Variants in ZCCHC7 observed in about 807,000 individuals in gnomAD.
ZCCHC7 encodes the protein zinc finger CCHC domain-containing protein 7.
In ZCCHC7, 35 loss-of-function variants were observed where a neutral mutation model predicts 52.0. That is an observed-to-expected ratio of 0.67 (90% CI 0.51 to 0.89). The LOEUF is 0.89. Ranked by LOEUF, ZCCHC7 falls within the 40% of genes least tolerant of loss-of-function variation. ZCCHC7 has a pLI of 0.00. For synonymous variants in ZCCHC7, 217 were observed against 221.5 expected (o/e 0.98, Z 0.18); for missense variants, 574 against 649.1 (o/e 0.88, Z 1.26).
chr9:37,326,614 C>G (rs765209187), intron 5 of ZCCHC7, among the ~76,000 whole-genome samples: 2 of 151,650 alleles, frequency 1.3e-5, no homozygotes, highest in Non-Finnish European at 2.9e-5. Flanking sequence ...ACTTTTTTGT[C>G]TAATCACTTA....
chr9:37,319,168 T>C (rs1263614688), intron 5 of ZCCHC7, among the ~76,000 whole-genome samples: 1 of 32,570 alleles, frequency 3.1e-5, no homozygotes, highest in East Asian at 2.9e-4. Context: ...GCACTTATCA[T>C]CCTTATTTCT....
intron 6 of ZCCHC7, among the ~76,000 whole-genome samples, chr9:37,329,500 T>G (rs1830372313): frequency 6.6e-6 from 1 of 151,852 alleles, no homozygotes; most frequent in Non-Finnish European, 1.5e-5. Context: ...CCTGGTTAAT[T>G]TTTTAAAATA....
intron 7 of ZCCHC7, among the ~76,000 whole-genome samples, 171 bp downstream of exon 7, chr9:37,349,623 G>A (rs916117390): frequency 6.6e-6 from 1 of 152,090 alleles, no homozygotes; most frequent in Non-Finnish European, 1.5e-5. Context: ...AGAGTAACAA[G>A]CTATCAGAGC....
At chr9:37,298,504 C>T (rs1429613134) in intron 2 of ZCCHC7, among the ~76,000 whole-genome samples, 1 of 152,096 alleles carries the variant, frequency 6.6e-6, no homozygotes, top group Non-Finnish European at 1.5e-5. Context: ...TAAAAATATT[C>T]AGGAGGAAAT....
chr9:37,343,667 A>G (rs1018300879), intron 6 of ZCCHC7, among the ~76,000 whole-genome samples: 5 of 152,218 alleles, frequency 3.3e-5, no homozygotes, highest in Non-Finnish European at 7.4e-5. Flanking sequence ...CAGTGTTTGT[A>G]TCTACTTTCA....
intron 2 of ZCCHC7, among the ~76,000 whole-genome samples, chr9:37,132,913 C>T (rs981835636): frequency 5.3e-5 from 8 of 152,052 alleles, no homozygotes; most frequent in African/African-American, 9.7e-5. Flanking sequence ...CCGAGGCGGG[C>T]GGATCACGAG....
chr9:37,139,825 T>G (rs886180182), intron 2 of ZCCHC7, among the ~76,000 whole-genome samples: 5 of 151,980 alleles, frequency 3.3e-5, no homozygotes, highest in Admixed American at 3.3e-4. Context: ...GCAGTTCCCT[T>G]AAGTCATATT....
chr9:37,292,954 T>G (rs1029424402), intron 2 of ZCCHC7, among the ~76,000 whole-genome samples: 7 of 152,120 alleles, frequency 4.6e-5, no homozygotes, highest in Non-Finnish European at 8.8e-5. Flanking sequence ...GAAAGACATT[T>G]TAAAGGAATA....
At chr9:37,338,533 A>T (rs1782597363) in intron 6 of ZCCHC7, among the ~76,000 whole-genome samples, 2 of 152,280 alleles carry the variant, frequency 1.3e-5, no homozygotes, top group Admixed American at 6.5e-5. Flanking sequence ...ATTTCAGTGT[A>T]TCCAAAAGAG....
intron 5 of ZCCHC7, among the ~76,000 whole-genome samples, chr9:37,306,484 G>A (rs1390280749): frequency 6.6e-6 from 1 of 150,938 alleles, no homozygotes; most frequent in African/African-American, 2.4e-5. Context: ...TTTATTTTTT[G>A]AGATGGAGTC....
At chr9:37,186,938 A>T (rs910575686) in intron 2 of ZCCHC7, 1 of 308,568 alleles carries the variant, frequency 3.2e-6, no homozygotes, top group Non-Finnish European at 6.2e-6. Flanking sequence ...TTAAAAGGCA[A>T]GTGTATTTTT....
At chr9:37,195,397 T>G (rs1162258777) in intron 2 of ZCCHC7, among the ~76,000 whole-genome samples, 4 of 152,094 alleles carry the variant, frequency 2.6e-5, no homozygotes, top group South Asian at 2.1e-4. Context: ...CAAAATAAAG[T>G]TTTTTTTGTT....
At chr9:37,216,994 C>T (rs1824543065) in intron 2 of ZCCHC7, among the ~76,000 whole-genome samples, 1 of 151,974 alleles carries the variant, frequency 6.6e-6, no homozygotes, top group Non-Finnish European at 1.5e-5. Context: ...GCACTTTATC[C>T]TCTATCTCAC....
intron 5 of ZCCHC7, chr9:37,325,894 T>A (rs948872489): frequency 6.6e-6 from 1 of 152,200 alleles, no homozygotes; most frequent in Non-Finnish European, 1.5e-5. Flanking sequence ...ATCATCTTCA[T>A]GTACAGAGCA....
intron 2 of ZCCHC7, among the ~76,000 whole-genome samples, chr9:37,282,817 TA>T (rs1416034750): frequency 6.9e-6 from 1 of 144,674 alleles, no homozygotes. Flanking sequence ...GGCTCTGGCT[TA>T]AAAAAAAGGC....
chr9:37,283,386 A>G (rs1332240127), intron 2 of ZCCHC7, among the ~76,000 whole-genome samples: 2 of 152,208 alleles, frequency 1.3e-5, no homozygotes, highest in African/African-American at 2.4e-5. Flanking sequence ...AAGATTTTAC[A>G]TATCTACATC....
intron 7 of ZCCHC7, among the ~76,000 whole-genome samples, chr9:37,349,905 A>G (rs1234975931): frequency 2.0e-5 from 3 of 151,960 alleles, no homozygotes; most frequent in African/African-American, 7.3e-5. Context: ...CTTCTGCCTC[A>G]GCCTCCCAAG....
At position 37,327,831 on chromosome 9, in the gene ZCCHC7, A is replaced by G; in HGVS notation, c.984A>G (p.Leu328=). 6.2e-7 allele frequency: 1 copy of G among 1,613,044 alleles called. No individual in the cohort carries two copies. Among genetic ancestry groups the G allele is most frequent in the South Asian group, 1.1e-5 (1 of 91,022 alleles). Residue 328 remains leucine (L), a synonymous_variant, in exon 6 of 9, where the codon CTA becomes CTG. Transcript: ENST00000336755. ...ACTEIWRQYH[L]TTKPGPPKKP... is the part of the protein sequence containing the mutation. ...CAGAAATCTGGAGGCAGTATCACCT[A>G]ACGGTGAGTAGAAACACCTTTTTTA...
At chr9:37,280,174 G>A (rs1278854904) in intron 2 of ZCCHC7, among the ~76,000 whole-genome samples, 2 of 151,682 alleles carry the variant, frequency 1.3e-5, no homozygotes, top group Admixed American at 6.6e-5. Context: ...AAAGATAAAA[G>A]GGTCAAGTAA....
Sources: gnomAD v4.1 joint callset for allele counts (sites outside exome capture counted in the v4.1 genomes callset) on GRCh38, gnomAD v4.1.1 for gene constraint, MANE v1.5 for transcripts, NCBI Gene and HGNC (gene_info 2026-07-23, HGNC 2026-07-21) for gene names.